Variants in KSR2 observed in about 807,000 individuals in gnomAD.
KSR2 encodes the protein kinase suppressor of ras 2.
KSR2 carries 25 observed loss-of-function variants against 107.8 expected under a neutral mutation model. The observed-to-expected ratio is 0.23, with a 90% CI of 0.17 to 0.32. The LOEUF (loss-of-function observed/expected upper bound fraction) is 0.32. KSR2 is among the 10% of genes least tolerant of loss of function. The probability of loss-of-function intolerance (pLI) is 1.00; values close to 1 mark genes in which losing one functional copy is unlikely to be tolerated. For synonymous variants in KSR2, 480 were observed against 507.0 expected (o/e 0.95, Z 0.71); for missense variants, 887 against 1,268.9 (o/e 0.70, Z 4.57).
intron 16 of KSR2, among the ~76,000 whole-genome samples, chr12:117,483,627 GTTGT>G (rs1435793168): frequency 3.9e-5 from 6 of 152,292 alleles, no homozygotes; most frequent in African/African-American, 9.6e-5. Flanking sequence ...TGAATTATGG[GTTGT>G]TTATTTGAGA....
intron 5 of KSR2, among the ~76,000 whole-genome samples, chr12:117,659,298 T>C (rs1884322188): frequency 6.6e-6 from 1 of 152,176 alleles, no homozygotes. Flanking sequence ...GGTTGTCTAC[T>C]GCATGCTGAG....
intron 5 of KSR2, among the ~76,000 whole-genome samples, chr12:117,619,480 C>A (rs1051325412): frequency 6.6e-6 from 1 of 151,562 alleles, no homozygotes; most frequent in Non-Finnish European, 1.5e-5. Context: ...TTTGTCCTTG[C>A]GATAGTTTGC....
chr12:117,792,283 G>A (rs2136977593), intron 3 of KSR2, among the ~76,000 whole-genome samples: 1 of 152,250 alleles, frequency 6.6e-6, no homozygotes, highest in East Asian at 1.9e-4. Flanking sequence ...CCGGGAGGTC[G>A]AGGCTGCAGT....
At position 117,455,503 on chromosome 12, in the gene KSR2, G is replaced by C. The variant is rs1316301145; in HGVS notation, c.*11696C>G. On this transcript the variant is annotated 3_prime_UTR_variant, in exon 20 of 20. Transcript: ENST00000339824. ...ATCCTTCCTGGAGGGTCTTTCTCTG[G>C]GTTGGGAGCTCCTGTGGGGCCTCGG... 6.6e-6 allele frequency: 1 copy of C among 152,174 alleles called. No individual in the cohort carries two copies. Among genetic ancestry groups the C allele is most frequent in the Non-Finnish European group, 1.5e-5 (1 of 68,054 alleles). The allele number at this position is 152,174 out of a possible 1,614,324, so 9.4% of individuals were successfully genotyped here.
chr12:117,876,622 T>A (rs116009980), intron 1 of KSR2, among the ~76,000 whole-genome samples: 21 of 152,220 alleles, frequency 1.4e-4, no homozygotes, highest in African/African-American at 4.1e-4. Context: ...ACACGATCCT[T>A]ATAATTTTAA....
intron 4 of KSR2, among the ~76,000 whole-genome samples, chr12:117,711,178 A>G (rs921729450): frequency 6.6e-6 from 1 of 152,256 alleles, no homozygotes; most frequent in Non-Finnish European, 1.5e-5. Flanking sequence ...TCAAGAGGGC[A>G]AAGACATGAG....
At chr12:117,491,800 A>G (rs1482419573) in intron 14 of KSR2, among the ~76,000 whole-genome samples, 1 of 152,170 alleles carries the variant, frequency 6.6e-6, no homozygotes, top group Non-Finnish European at 1.5e-5. Context: ...CTGGATCTGG[A>G]GGCTATGTTC....
chr12:117,904,640 C>T (rs1033351525), intron 1 of KSR2, among the ~76,000 whole-genome samples: 1 of 152,106 alleles, frequency 6.6e-6, no homozygotes, highest in African/African-American at 2.4e-5. Flanking sequence ...CTCCCCATCA[C>T]CCTGGGAGAG....
chr12:117,756,668 C>A lies in KSR2; in HGVS notation c.986+4343G>T, dbSNP rs542795784. Among the ~76,000 whole-genome samples, 9 of 152,314 alleles carry A rather than the reference C, an allele frequency of 5.9e-5. No homozygotes were observed. In the South Asian group the frequency reaches 1.9e-3, roughly 32 times the overall value. On this transcript the variant is annotated intron_variant, in intron 4 of 19. Transcript: ENST00000339824. ...CCCATGGATTAAGGAGTAATTTTAT[C>A]TTTCAAGTCTTATTATTTAAGAAAT... is the stretch of plus-strand genomic sequence containing the variant.
At chr12:117,733,263 A>G (rs1887801650) in intron 4 of KSR2, among the ~76,000 whole-genome samples, 1 of 152,076 alleles carries the variant, frequency 6.6e-6, no homozygotes, top group Non-Finnish European at 1.5e-5. Flanking sequence ...CGTACCACAC[A>G]TGCATGCTAT....
intron 14 of KSR2, among the ~76,000 whole-genome samples, chr12:117,491,692 G>C (rs11068512): frequency 1.3e-5 from 2 of 152,106 alleles, no homozygotes; most frequent in South Asian, 4.1e-4. Context: ...ACAATGAACC[G>C]GGGGAGCACA....
rs1334295175 is a variant in KSR2, at chr12:117,792,135, T to C, written c.473-30611A>G. 2.0e-5 allele frequency among the ~76,000 whole-genome samples: 3 copies of C among 152,048 alleles called. No homozygotes were observed. In the East Asian group the frequency reaches 5.8e-4, roughly 29 times the overall value. ...GTAGATCGCTTGAGCTCAGGAGTTT[T>C]GAGACTAGCCCGGACAACATGGTGA... On this transcript the variant is annotated intron_variant, in intron 3 of 19. Transcript: ENST00000339824.
intron 14 of KSR2, among the ~76,000 whole-genome samples, chr12:117,508,326 G>C (rs147109783): frequency 2.0e-4 from 30 of 152,084 alleles, no homozygotes; most frequent in African/African-American, 7.0e-4. Flanking sequence ...TGTGACACAC[G>C]GCATGCTTCC....
At chr12:117,919,623 A>G (rs146984521) in intron 1 of KSR2, among the ~76,000 whole-genome samples, 42 of 152,344 alleles carry the variant, frequency 2.8e-4, no homozygotes, top group African/African-American at 8.4e-4. Context: ...GTTTCTCACA[A>G]GAAATTATAC....
chr12:117,753,390 G>T (rs1217941592), intron 4 of KSR2, among the ~76,000 whole-genome samples: 1 of 152,086 alleles, frequency 6.6e-6, no homozygotes, highest in East Asian at 1.9e-4. Flanking sequence ...CCCCTCAGAG[G>T]TGATTTCAGC....
At chr12:117,829,446 C>A (rs192946344) in intron 3 of KSR2, among the ~76,000 whole-genome samples, 54 of 152,314 alleles carry the variant, frequency 3.5e-4, no homozygotes, top group African/African-American at 1.3e-3. Flanking sequence ...TGCATCATGA[C>A]AATACCTTAA....
intron 7 of KSR2, among the ~76,000 whole-genome samples, chr12:117,566,912 C>G (rs1431897070): frequency 6.6e-6 from 1 of 152,198 alleles, no homozygotes; most frequent in Admixed American, 6.5e-5. Context: ...ATGAGCCCAG[C>G]TGGATTTGAA....
intron 3 of KSR2, among the ~76,000 whole-genome samples, chr12:117,828,557 A>T (rs764283796): frequency 3.3e-5 from 5 of 152,238 alleles, no homozygotes; most frequent in Admixed American, 1.3e-4. Flanking sequence ...CCATTCCCAG[A>T]TAAGGAAGCA....
At chr12:117,759,501 C>T (rs1269132361) in intron 4 of KSR2, among the ~76,000 whole-genome samples, 1 of 152,154 alleles carries the variant, frequency 6.6e-6, no homozygotes, top group Non-Finnish European at 1.5e-5. Context: ...ATAAAATTTA[C>T]CATCTTAACC....
Sources: allele counts gnomAD v4.1 joint callset (sites outside exome capture counted in the v4.1 genomes callset), GRCh38; gene constraint gnomAD v4.1.1; transcripts MANE v1.5; gene names NCBI Gene and HGNC (gene_info 2026-07-23, HGNC 2026-07-21).